PSKH1: variants seen among roughly 807,000 people sequenced by gnomAD.
PSKH1 encodes the protein protein serine kinase H1.
Under a neutral mutation model 26.7 loss-of-function variants are expected in PSKH1, and 12 were observed. The ratio of observed to expected loss-of-function variants is 0.45; its 90% CI spans 0.29 to 0.73. PSKH1 has a LOEUF of 0.73. Ranked by LOEUF, PSKH1 falls within the 30% of genes least tolerant of loss-of-function variation. PSKH1 has a pLI of 0.11. For synonymous variants in PSKH1, 213 were observed against 234.3 expected, an observed-to-expected ratio of 0.91 and a Z score of 0.83; for missense variants, 431 against 595.2, an observed-to-expected ratio of 0.72 and a Z score of 2.87.
intron 1 of PSKH1, among the ~76,000 whole-genome samples, chr16:67,901,157 T>G (rs1393981575): frequency 1.3e-5 from 2 of 151,974 alleles, no homozygotes; most frequent in East Asian, 3.9e-4. Flanking sequence ...TTGGCCAATT[T>G]GGTCTAATAT....
chr16:67,925,921 G>A (rs573878702), intron 2 of PSKH1, among the ~76,000 whole-genome samples: 1 of 152,088 alleles, frequency 6.6e-6, no homozygotes, highest in Admixed American at 6.5e-5. Context: ...GCCAGACTGG[G>A]AGTAGCAGTA....
Position 67,909,800 on chromosome 16 carries a change from C to G in PSKH1, c.957+94C>G. The G allele has an allele frequency of 8.4e-7, 1 of 1,184,316 alleles. No homozygotes were observed. The highest frequency in any genetic ancestry group is 1.2e-6 in the Non-Finnish European group (1 of 837,674). 73.4% of individuals were successfully genotyped at this position (1,184,316 alleles called of 1,614,324 possible). On this transcript the variant is annotated intron_variant, in intron 2 of 2. Coordinates refer to ENST00000291041, the MANE Select transcript of PSKH1 (RefSeq NM_006742.3). The surrounding 1 kb of genome is among the most constrained non-coding windows in gnomAD (Gnocchi z 7.8). The stretch of plus-strand genomic sequence containing the variant: ...CTCAGTCAGAGGTATGTCCTCAGGG[C>G]CATGCTCGTGAGGGCCAGGCAGGTC...
chr16:67,898,750 G>A (rs1011105220), intron 1 of PSKH1, among the ~76,000 whole-genome samples: 1 of 151,630 alleles, frequency 6.6e-6, no homozygotes, highest in South Asian at 2.1e-4. Flanking sequence ...AGCCTCCTGA[G>A]TAGCTGGGAT....
At chr16:67,925,249 G>T (rs2058212901) in intron 2 of PSKH1, among the ~76,000 whole-genome samples, 1 of 151,250 alleles carries the variant, frequency 6.6e-6, no homozygotes, top group Non-Finnish European at 1.5e-5. Context: ...AGGCTGGAGT[G>T]CAGTGGTGCG....
chr16:67,908,310 C>T (rs1187351798), intron 1 of PSKH1, among the ~76,000 whole-genome samples: 2 of 152,142 alleles, frequency 1.3e-5, no homozygotes, highest in Admixed American at 1.3e-4. Context: ...TACTCTGTCA[C>T]CCAGGCTGGA....
intron 1 of PSKH1, among the ~76,000 whole-genome samples, chr16:67,905,811 G>A (rs2058154392): frequency 6.6e-6 from 1 of 152,076 alleles, no homozygotes; most frequent in Non-Finnish European, 1.5e-5. Context: ...GTTAGCTGAG[G>A]TCGTGCCAGT....
At chr16:67,903,333 G>T (rs2151310986) in intron 1 of PSKH1, among the ~76,000 whole-genome samples, 1 of 152,178 alleles carries the variant, frequency 6.6e-6, no homozygotes, top group Admixed American at 6.5e-5. Flanking sequence ...AAAATGTTTG[G>T]CAGAGATAGG....
rs1345662720 is a variant in PSKH1, at chr16:67,918,351, G to C, written c.957+8645G>C. On this transcript the variant is annotated intron_variant, in intron 2 of 2. Coordinates refer to ENST00000291041, the MANE Select transcript of PSKH1 (RefSeq NM_006742.3). ...GAGCTGTGGGTGAGCCCAGGTGACTGTACTAGGAACAGGTGGGCTTGGGTA... is the reference window on the plus strand; with the variant it reads ...GAGCTGTGGGTGAGCCCAGGTGACTCTACTAGGAACAGGTGGGCTTGGGTA... Among the ~76,000 whole-genome samples, 5 of 152,138 alleles carry C rather than the reference G, an allele frequency of 3.3e-5. No homozygotes were observed. The East Asian group carries it at 9.7e-4, about 29-fold the overall frequency.
At chr16:67,926,377 C>T (rs2077603981) in intron 2 of PSKH1, among the ~76,000 whole-genome samples, 1 of 152,236 alleles carries the variant, frequency 6.6e-6, no homozygotes, top group South Asian at 2.1e-4. Flanking sequence ...TCATCCAGCT[C>T]AGCATGATCT....
chr16:67,922,472 A>C (rs921637904), intron 2 of PSKH1, among the ~76,000 whole-genome samples: 2 of 152,116 alleles, frequency 1.3e-5, no homozygotes, highest in Non-Finnish European at 2.9e-5. Context: ...CCTTCTCTAG[A>C]AGCACTGTGG....
chr16:67,898,912 C>T (rs776634557), intron 1 of PSKH1, among the ~76,000 whole-genome samples: 2 of 152,110 alleles, frequency 1.3e-5, no homozygotes, highest in African/African-American at 2.4e-5. Context: ...TGAGCCGCTG[C>T]GCCCAGCCGG....
rs761258330 is a variant in PSKH1, at chr16:67,927,662, A to G, written c.*20A>G. ...GGCTGAGCCGCCTGGCTGTGCACAC[A>G]TGCAGCACGACCCAGCCTGGCCACA... On this transcript the variant is annotated 3_prime_UTR_variant, in exon 3 of 3. Coordinates refer to ENST00000291041, the MANE Select transcript of PSKH1 (RefSeq NM_006742.3). This position sits in a 1 kb window ranked among gnomAD's most constrained non-coding sequence, Gnocchi z 5.5. The G allele has an allele frequency of 1.9e-6, 3 of 1,583,150 alleles. No homozygotes were observed. The highest frequency in any genetic ancestry group is 2.7e-5 in the African/African-American group (2 of 74,794).
chr16:67,921,596 C>A (rs944835873), intron 2 of PSKH1, among the ~76,000 whole-genome samples: 23 of 151,448 alleles, frequency 1.5e-4, no homozygotes, highest in Non-Finnish European at 2.8e-4. Context: ...AAAAAAAAAA[C>A]AAAAACAAAA....
At chr16:67,903,389 T>C (rs1162373906) in intron 1 of PSKH1, among the ~76,000 whole-genome samples, 2 of 152,082 alleles carry the variant, frequency 1.3e-5, no homozygotes, top group African/African-American at 4.8e-5. Context: ...TGGACTCAAG[T>C]AGTCCTCACG....
chr16:67,900,761 G>T (rs2058139452), intron 1 of PSKH1, among the ~76,000 whole-genome samples: 1 of 152,170 alleles, frequency 6.6e-6, no homozygotes, highest in South Asian at 2.1e-4. Flanking sequence ...CTTTGGACCA[G>T]GCTGGGAGTT....
chr16:67,899,328 C>T (rs1030432070), intron 1 of PSKH1, among the ~76,000 whole-genome samples: 1 of 150,974 alleles, frequency 6.6e-6, no homozygotes, highest in Non-Finnish European at 1.5e-5. Context: ...AGAGCCAGAC[C>T]ACATTTTTTT....
intron 1 of PSKH1, among the ~76,000 whole-genome samples, chr16:67,906,976 T>G (rs2058157707): frequency 6.6e-6 from 1 of 151,994 alleles, no homozygotes; most frequent in Admixed American, 6.6e-5. Context: ...ACTCTTTTTT[T>G]TTTTTGAGAC....
Position 67,927,768 on chromosome 16 carries a change from C to A in PSKH1, c.*126C>A. On this transcript the variant is annotated 3_prime_UTR_variant, in exon 3 of 3. Transcript: ENST00000291041. The surrounding 1 kb of genome is among the most constrained non-coding windows in gnomAD (Gnocchi z 5.5). ...ACAGTAGGTGAAGAATGTCTGGCTC[C>A]AGCCCTTTCTCTGTGCCTTCAGCAG... The A allele has an allele frequency of 8.5e-7, 1 of 1,171,906 alleles. No homozygotes were observed. The highest frequency in any genetic ancestry group is 1.2e-6 in the Non-Finnish European group (1 of 850,850). The allele number at this position is 1,171,906 out of a possible 1,614,324, so 72.6% of individuals were successfully genotyped here.
At chr16:67,901,718 T>G (rs964903772) in intron 1 of PSKH1, among the ~76,000 whole-genome samples, 6 of 149,630 alleles carry the variant, frequency 4.0e-5, no homozygotes, top group African/African-American at 7.4e-5. Context: ...CACTGCAGCC[T>G]CGACTTCCCT....
Sources: gnomAD v4.1 joint callset for allele counts (sites outside exome capture counted in the v4.1 genomes callset) on GRCh38, gnomAD v4.1.1 for gene constraint, Gnocchi (gnomAD v3.1) non-coding constraint, MANE v1.5 for transcripts, NCBI Gene and HGNC (gene_info 2026-07-23, HGNC 2026-07-21) for gene names.